The following C2orf66 variants were observed in gnomAD, a reference collection of about 807,000 sequenced individuals.
C2orf66 encodes uncharacterized protein C2orf66.
In C2orf66, 6 loss-of-function variants were observed where a neutral mutation model predicts 7.0. The observed-to-expected ratio is 0.86, with a 90% CI of 0.47 to 1.69. The LOEUF (loss-of-function observed/expected upper bound fraction) is 1.69, where lower values mean the gene tolerates loss of function less well. Among genes scored for constraint, C2orf66 ranks in the 40% most tolerant of loss-of-function variants. C2orf66 has a pLI of 0.01. For synonymous variants in C2orf66, 38 were observed against 43.8 expected (o/e 0.87, Z 0.52); for missense variants, 107 against 112.0 (o/e 0.96, Z 0.20).
chr2:196,806,887 T>C (rs1289217683), intron 2 of C2orf66, among the ~76,000 whole-genome samples: 1 of 152,028 alleles, frequency 6.6e-6, no homozygotes, highest in African/African-American at 2.4e-5. Flanking sequence ...GAAATTCAAA[T>C]CTTAATAAAT....
chr2:196,808,698 G>C (rs1046165646), intron 1 of C2orf66, among the ~76,000 whole-genome samples: 5 of 152,106 alleles, frequency 3.3e-5, no homozygotes, highest in Non-Finnish European at 5.9e-5. Flanking sequence ...TTTTTTTAAA[G>C]AGAATGTTTA....
chr2:196,831,491 G>C, the C2orf66 span, among the ~76,000 whole-genome samples: 2 of 152,102 alleles, frequency 1.3e-5, no homozygotes, highest in East Asian at 3.9e-4. Flanking sequence ...GACAGAGTGG[G>C]CCACCTAAAT....
the C2orf66 span, among the ~76,000 whole-genome samples, chr2:196,821,769 G>A: frequency 1.3e-5 from 2 of 151,552 alleles, no homozygotes; most frequent in African/African-American, 4.8e-5. Context: ...AAATTTCCAG[G>A]TACATATTTT....
At chr2:196,824,298 C>G in the C2orf66 span, among the ~76,000 whole-genome samples, 2 of 151,498 alleles carry the variant, frequency 1.3e-5, no homozygotes, top group African/African-American at 2.4e-5. Context: ...AAATGAGAAG[C>G]TGAATGTGAA....
intron 2 of C2orf66, 89 bp downstream of exon 2, chr2:196,807,335 T>C (rs1699828973): frequency 1.3e-6 from 1 of 762,668 alleles, no homozygotes; most frequent in Non-Finnish European, 2.1e-6. Flanking sequence ...GGAAATAAAA[T>C]TATGTTTTCA....
the C2orf66 span, among the ~76,000 whole-genome samples, chr2:196,830,357 G>A: frequency 2.0e-5 from 3 of 152,166 alleles, no homozygotes; most frequent in East Asian, 1.9e-4. Context: ...GAAACTAGGC[G>A]CTCAGTGTGA....
the C2orf66 span, among the ~76,000 whole-genome samples, chr2:196,824,031 C>T: frequency 6.6e-6 from 1 of 151,968 alleles, no homozygotes; most frequent in African/African-American, 2.4e-5. Context: ...AGGTTGTGGA[C>T]ATACCATTAG....
Position 196,807,459 on chromosome 2 carries a change from T to C in C2orf66, c.287A>G (p.Asn96Ser), listed in dbSNP as rs890159272. 1 of 1,608,522 alleles carries C rather than the reference T, an allele frequency of 6.2e-7. No homozygotes were observed. Among genetic ancestry groups the C allele is most frequent in the Non-Finnish European group, 8.5e-7 (1 of 1,178,672 alleles). The change falls in exon 2 of 3, where the codon AAT (asparagine) becomes AGT (serine). Residue 96 changes from asparagine to serine, a missense_variant. Coordinates refer to ENST00000342506, the MANE Select transcript of C2orf66 (RefSeq NM_213608.3). Reference sequence around the variant, plus strand: ...AAGAAACTTTCAGCCTTTGAGATAATTGTGAAAGGAGTTTTTCTGCTCTTC... The same window carrying C: ...AAGAAACTTTCAGCCTTTGAGATAACTGTGAAAGGAGTTTTTCTGCTCTTC... ...DYEEQKNSFH[N>S]YLKG
chr2:196,816,096 A>C, the C2orf66 span, among the ~76,000 whole-genome samples: 7 of 152,180 alleles, frequency 4.6e-5, no homozygotes, highest in African/African-American at 1.7e-4. Context: ...AAGGAGGAAG[A>C]AATAAACCTC....
the C2orf66 span, among the ~76,000 whole-genome samples, chr2:196,830,499 T>C: frequency 6.6e-6 from 1 of 152,214 alleles, no homozygotes; most frequent in Non-Finnish European, 1.5e-5. Flanking sequence ...GTATAAAAGC[T>C]GGGTTCCAGG....
At chr2:196,812,024 G>C (rs745533852), upstream of C2orf66, among the ~76,000 whole-genome samples, 2 of 152,124 alleles carry the variant, frequency 1.3e-5, no homozygotes, top group Non-Finnish European at 2.9e-5. Flanking sequence ...TGGATGGAGA[G>C]GAAAATGAGT....
At chr2:196,829,238 T>A in the C2orf66 span, among the ~76,000 whole-genome samples, 2 of 152,196 alleles carry the variant, frequency 1.3e-5, no homozygotes, top group East Asian at 3.8e-4. Context: ...TGTGGTCTCA[T>A]TCAAAGTAAT....
At chr2:196,821,511 T>A in the C2orf66 span, among the ~76,000 whole-genome samples, 2 of 152,238 alleles carry the variant, frequency 1.3e-5, no homozygotes, top group South Asian at 4.1e-4. Flanking sequence ...GCTTCTTCTG[T>A]CATCCAGATC....
upstream of C2orf66, chr2:196,809,404 G>C (rs1024766955): frequency 1.3e-6 from 2 of 1,595,144 alleles, no homozygotes; most frequent in East Asian, 4.5e-5. Context: ...AGATAGTCAG[G>C]GAAGAGAGAG....
chr2:196,806,250 T>A lies in C2orf66; in HGVS notation c.*20-842A>T, dbSNP rs372571283. 1.8e-4 allele frequency among the ~76,000 whole-genome samples: 28 copies of A among 152,168 alleles called. No homozygotes were observed. The East Asian group carries it at 4.7e-3, about 25-fold the overall frequency. On this transcript the variant is annotated intron_variant, in intron 2 of 2. Coordinates refer to ENST00000342506, the MANE Select transcript of C2orf66 (RefSeq NM_213608.3). ...TCTCGCTCTGTCACCCAGGCTGGAG[T>A]GCAGTGGCGTGCTCTCAGCTCACTG...
chr2:196,831,958 G>C, the C2orf66 span: 3 of 152,136 alleles, frequency 2.0e-5, no homozygotes, highest in Non-Finnish European at 2.9e-5. Flanking sequence ...CATGTGGTTT[G>C]TTACATTTGC....
upstream of C2orf66, among the ~76,000 whole-genome samples, chr2:196,813,732 GA>G (rs1559313016): frequency 2.0e-5 from 3 of 151,944 alleles, no homozygotes; most frequent in Admixed American, 6.5e-5. Flanking sequence ...AAATTCACAA[GA>G]AAAAAACAAC....
Position 196,809,265 on chromosome 2 carries a change from T to C in C2orf66, c.72A>G (p.Val24=), listed in dbSNP as rs199693230. Residue 24 remains valine, a synonymous_variant, in exon 1 of 3, where the codon GTA becomes GTG. Transcript: ENST00000342506. ...GTGGCTTCCATTTGTCCTCATTTCT[T>C]ACTGTGGCTCCATTCACATGCCCAA... is the stretch of plus-strand genomic sequence containing the variant. ...VLLGHVNGAT[V]RNEDKWKPLN... 6.2e-7 allele frequency: 1 copy of C among 1,614,162 alleles called. No homozygotes were observed. Among genetic ancestry groups the C allele is most frequent in the Non-Finnish European group, 8.5e-7 (1 of 1,180,010 alleles).
the C2orf66 span, among the ~76,000 whole-genome samples, chr2:196,830,758 G>C: frequency 6.6e-6 from 1 of 152,092 alleles, no homozygotes; most frequent in Admixed American, 6.6e-5. Flanking sequence ...CAGTTGGTTT[G>C]GCTTCCCCAT....
Sources: gnomAD v4.1 joint callset for allele counts (sites outside exome capture counted in the v4.1 genomes callset) on GRCh38, gnomAD v4.1.1 for gene constraint, MANE v1.5 for transcripts, NCBI Gene and HGNC (gene_info 2026-07-23, HGNC 2026-07-21) for gene names.